MIA2: variants seen among roughly 807,000 people sequenced by gnomAD.
MIA2 encodes MIA SH3 domain ER export factor 2.
MIA2 carries 127 observed loss-of-function variants against 167.8 expected under a neutral mutation model. The observed-to-expected ratio is 0.76, with a 90% CI of 0.66 to 0.88. The LOEUF is 0.88. Ranked by LOEUF, MIA2 falls within the 40% of genes least tolerant of loss-of-function variation. The pLI is 0.00. For missense variants in MIA2, 1,690 were observed against 1,624.7 expected (o/e 1.04, Z -0.69); for synonymous variants, 552 against 541.9 (o/e 1.02, Z -0.26).
intron 10 of MIA2, chr14:39,292,594 A>ACAG: frequency 5.3e-6 from 1 of 189,678 alleles, no homozygotes; most frequent in Non-Finnish European, 1.1e-5. Flanking sequence ...TTTTTAAATC[A>ACAG]CTGTAATGTA....
At chr14:39,281,422 C>G (rs1234512620) in intron 9 of MIA2, among the ~76,000 whole-genome samples, 2 of 152,074 alleles carry the variant, frequency 1.3e-5, no homozygotes, top group Admixed American at 1.3e-4. Context: ...TCTTTAACTT[C>G]CATGTTGCCA....
intron 24 of MIA2, among the ~76,000 whole-genome samples, chr14:39,325,287 A>G (rs1467464024): frequency 1.3e-5 from 2 of 152,098 alleles, no homozygotes. Context: ...TTTTCTGGAC[A>G]ATATAATTTT....
intron 6 of MIA2, among the ~76,000 whole-genome samples, chr14:39,263,113 T>C (rs568815210): frequency 3.2e-4 from 48 of 152,292 alleles, no homozygotes; most frequent in African/African-American, 1.1e-3. Flanking sequence ...AGGGAATGCT[T>C]CCAGTTTTTG....
chr14:39,277,220 G>GA (rs1272287113), intron 7 of MIA2, among the ~76,000 whole-genome samples, 155 bp downstream of exon 7: 1 of 151,912 alleles, frequency 6.6e-6, no homozygotes, highest in East Asian at 1.9e-4. Context: ...TTTTAAAAGA[G>GA]ATGAGGGTCA....
Position 39,247,483 on chromosome 14 carries a change from A to C in MIA2, c.909A>C (p.Lys303Asn). 6.2e-7 allele frequency: 1 copy of C among 1,613,842 alleles called. No individual in the cohort carries two copies. Among genetic ancestry groups the C allele is most frequent in the Non-Finnish European group, 8.5e-7 (1 of 1,179,926 alleles). The change falls in exon 4 of 29, where the codon AAA becomes AAC. Residue 303 changes from lysine (K) to asparagine (N), a missense_variant. By Grantham distance (94) the Lys-to-Asn change is moderately conservative. Transcript: ENST00000640607. Reference sequence around the variant, plus strand: ...CATCTGAGTCAGAGCACATTCCCAAACCTCAATCCACTGGTTGGTTTGGTG... The same window carrying C: ...CATCTGAGTCAGAGCACATTCCCAACCCTCAATCCACTGGTTGGTTTGGTG... ...ELASESEHIP[K>N]PQSTGWFGGG... is the part of the protein sequence containing the mutation.
At chr14:39,326,664 T>C (rs1431900204) in intron 24 of MIA2, among the ~76,000 whole-genome samples, 200 bp from the exon 25 acceptor site, 1 of 149,904 alleles carries the variant, frequency 6.7e-6, no homozygotes, top group African/African-American at 2.4e-5. Context: ...TTATATTTTT[T>C]ATTTAATCAG....
intron 11 of MIA2, 141 bp downstream of exon 11, chr14:39,293,522 G>C: frequency 1.8e-6 from 1 of 570,918 alleles, no homozygotes; most frequent in Non-Finnish European, 3.0e-6. Context: ...AAATTTTCTA[G>C]ATCCATTCTT....
chr14:39,275,922 A>G (rs1162369535), intron 6 of MIA2, among the ~76,000 whole-genome samples: 1 of 152,132 alleles, frequency 6.6e-6, no homozygotes, highest in Non-Finnish European at 1.5e-5. Flanking sequence ...AGGAGTACAT[A>G]TTTGGATTAG....
intron 23 of MIA2, among the ~76,000 whole-genome samples, chr14:39,369,513 C>T (rs1261670850): frequency 6.6e-6 from 1 of 152,244 alleles, no homozygotes; most frequent in Non-Finnish European, 1.5e-5. Flanking sequence ...AGACTGGCTT[C>T]CAGCCCCTGG....
chr14:39,234,669 T>C (rs2152588523), intron 1 of MIA2, among the ~76,000 whole-genome samples: 1 of 152,284 alleles, frequency 6.6e-6, no homozygotes, highest in Non-Finnish European at 1.5e-5. Flanking sequence ...ACTTTCTGAT[T>C]CTCATGACGT....
chr14:39,279,326 AT>A lies in MIA2; in HGVS notation c.2020-8del, dbSNP rs1390906963. ...TGTTTTAATGTAATTTTTGTTAAAAATTTGTTTCAGGTTAGGAGTCGGCTTT... is the reference window on the plus strand; with the variant it reads ...TGTTTTAATGTAATTTTTGTTAAAAATTGTTTCAGGTTAGGAGTCGGCTTT... On this transcript the variant is annotated splice_polypyrimidine_tract_variant and intron_variant, in intron 7 of 28. Transcript: ENST00000640607. 3 of 1,599,326 alleles carry A rather than the reference AT, an allele frequency of 1.9e-6. No individual in the cohort carries two copies. In the East Asian group the frequency reaches 6.7e-5, roughly 36 times the overall value.
downstream of MIA2, among the ~76,000 whole-genome samples, chr14:39,354,170 C>T (rs1158333466): frequency 6.6e-6 from 1 of 152,254 alleles, no homozygotes; most frequent in Non-Finnish European, 1.5e-5. Flanking sequence ...AACTAGTTTA[C>T]AGTCCCACTA....
At position 39,302,268 on chromosome 14, in the gene MIA2, TCTC is replaced by T; in HGVS notation, c.2740+22_2740+24del. 1 of 1,611,088 alleles carries T rather than the reference TCTC, an allele frequency of 6.2e-7. No individual in the cohort carries two copies. Among genetic ancestry groups the T allele is most frequent in the Non-Finnish European group, 8.5e-7 (1 of 1,178,344 alleles). On this transcript the variant is annotated intron_variant, in intron 15 of 28. Coordinates refer to ENST00000640607, the MANE Select transcript of MIA2 (RefSeq NM_001329214.4). ...TACTTAGGTATTAAGTCATGACTCA[TCTC>T]CTTTTGCTAAAATGGTGACTAGCTC...
At chr14:39,283,506 C>A (rs1320130698) in intron 9 of MIA2, among the ~76,000 whole-genome samples, 1 of 152,126 alleles carries the variant, frequency 6.6e-6, no homozygotes, top group East Asian at 1.9e-4. Context: ...AAAGGACCTG[C>A]TCTATGCCTT....
chr14:39,273,634 A>G (rs1453812702), intron 6 of MIA2, among the ~76,000 whole-genome samples: 1 of 151,982 alleles, frequency 6.6e-6, no homozygotes, highest in East Asian at 1.9e-4. Context: ...AATATGGTTC[A>G]TAAGATTATT....
intron 4 of MIA2, among the ~76,000 whole-genome samples, chr14:39,248,835 G>T (rs1210372938): frequency 6.6e-6 from 1 of 151,912 alleles, no homozygotes; most frequent in Non-Finnish European, 1.5e-5. Flanking sequence ...GACCTCCTGG[G>T]CTCATGCAAT....
intron 24 of MIA2, among the ~76,000 whole-genome samples, chr14:39,324,146 A>G (rs2066996942): frequency 6.6e-6 from 1 of 152,208 alleles, no homozygotes; most frequent in African/African-American, 2.4e-5. Context: ...TAACCATTAG[A>G]ACTTTTAGGT....
intron 25 of MIA2, among the ~76,000 whole-genome samples, chr14:39,328,823 A>G (rs1011035324): frequency 3.9e-5 from 6 of 152,016 alleles, no homozygotes; most frequent in African/African-American, 1.4e-4. Flanking sequence ...CCATTGTTCT[A>G]TATGTCTGTT....
At chr14:39,329,114 CTTTTG>C (rs2068218700) in intron 25 of MIA2, among the ~76,000 whole-genome samples, 1 of 151,642 alleles carries the variant, frequency 6.6e-6, no homozygotes, top group Admixed American at 6.5e-5. Flanking sequence ...AATGTTTCTT[CTTTTG>C]TTTGTGTCCT....
Sources: gnomAD v4.1 joint callset for allele counts (sites outside exome capture counted in the v4.1 genomes callset) on GRCh38, gnomAD v4.1.1 for gene constraint, MANE v1.5 for transcripts, NCBI Gene and HGNC (gene_info 2026-07-23, HGNC 2026-07-21) for gene names.